Variants in BUB1B observed in about 807,000 individuals in gnomAD.
The protein encoded by BUB1B is mitotic checkpoint serine/threonine-protein kinase BUB1 beta.
A neutral mutation model predicts 137.7 loss-of-function variants in BUB1B; 86 were observed. That is an observed-to-expected ratio of 0.62 (90% CI 0.52 to 0.75). The LOEUF is 0.75. Among genes scored for constraint, BUB1B ranks in the 30% least tolerant of loss-of-function variants. The probability of loss-of-function intolerance (pLI) is 0.00; values close to 1 mark genes in which losing one functional copy is unlikely to be tolerated. For synonymous variants in BUB1B, 420 were observed against 417.9 expected (o/e 1.00, Z -0.06); for missense variants, 1,130 against 1,236.9 (o/e 0.91, Z 1.30).
In BUB1B at chr15:40,218,440, C is replaced by T. The variant is rs1173983809; in HGVS notation, c.2851-16C>T. ...CAGAGAATTATTTTAGCTGATGGTG[C>T]TTTTTGTGATTTCAGGTAGACCTGT... On this transcript the variant is annotated splice_polypyrimidine_tract_variant and intron_variant, in intron 21 of 22. Coordinates refer to ENST00000287598, the MANE Select transcript of BUB1B (RefSeq NM_001211.6). 6.3e-6 allele frequency: 10 copies of T among 1,588,742 alleles called. No individual in the cohort carries two copies. Among genetic ancestry groups the T allele is most frequent in the East Asian group, 2.2e-5 (1 of 44,740 alleles).
chr15:40,163,027 G>GC (rs1045804347), intron 1 of BUB1B, among the ~76,000 whole-genome samples: 68 of 152,184 alleles, frequency 4.5e-4, no homozygotes, highest in South Asian at 3.9e-3. Context: ...CATGTTTTCC[G>GC]CATGTCTGCA....
chr15:40,208,560 A>G, intron 15 of BUB1B, 77 bp from the exon 16 acceptor site: 1 of 1,419,158 alleles, frequency 7.0e-7, no homozygotes, highest in Non-Finnish European at 9.7e-7. Context: ...AAATGTATAC[A>G]TTAAGAATTT....
chr15:40,181,110 TAGAC>T (rs920845420), intron 5 of BUB1B, among the ~76,000 whole-genome samples: 1 of 134,380 alleles, frequency 7.4e-6, no homozygotes, highest in Admixed American at 7.4e-5. Context: ...TTTTTTTTTT[TAGAC>T]AGAGTCTAGC....
chr15:40,212,735 G>T, intron 19 of BUB1B, 87 bp downstream of exon 19: 1 of 1,263,572 alleles, frequency 7.9e-7, no homozygotes, highest in Non-Finnish European at 1.1e-6. Flanking sequence ...CAAAATTCCT[G>T]TCAATCTTCT....
intron 9 of BUB1B, among the ~76,000 whole-genome samples, chr15:40,197,407 G>C (rs1254872617): frequency 2.6e-5 from 4 of 152,186 alleles, no homozygotes; most frequent in Non-Finnish European, 5.9e-5. Context: ...AGGTAGGGCA[G>C]AATGGGCTGG....
At chr15:40,219,803 G>GT (rs1181715763) in intron 22 of BUB1B, among the ~76,000 whole-genome samples, 1 of 151,208 alleles carries the variant, frequency 6.6e-6, no homozygotes, top group Non-Finnish European at 1.5e-5. Context: ...ATATTCTTTG[G>GT]TTAAAAAAAA....
intron 5 of BUB1B, among the ~76,000 whole-genome samples, chr15:40,179,771 G>A (rs2037261886): frequency 6.6e-6 from 1 of 151,728 alleles, no homozygotes; most frequent in Admixed American, 6.6e-5. Context: ...AACTTTAAGT[G>A]GTTGCTATAA....
At chr15:40,219,198 C>T (rs1421259431) in intron 22 of BUB1B, among the ~76,000 whole-genome samples, 1 of 152,144 alleles carries the variant, frequency 6.6e-6, no homozygotes, top group Non-Finnish European at 1.5e-5. Flanking sequence ...GTGTGAGCCA[C>T]CGTGTCTGGC....
intron 6 of BUB1B, 110 bp from the exon 7 acceptor site, chr15:40,185,054 TG>T: frequency 3.8e-6 from 3 of 785,788 alleles, no homozygotes; most frequent in South Asian, 1.7e-5. Context: ...TTTTTTTTTC[TG>T]TTGTAGTGGA....
intron 18 of BUB1B, 70 bp downstream of exon 18, chr15:40,210,280 GT>G: frequency 8.8e-7 from 1 of 1,138,184 alleles, no homozygotes; most frequent in Non-Finnish European, 1.3e-6. Context: ...CTGTCCTCAT[GT>G]TACCATCAAA....
At chr15:40,190,108 C>T (rs1380867742) in intron 8 of BUB1B, among the ~76,000 whole-genome samples, 3 of 152,062 alleles carry the variant, frequency 2.0e-5, no homozygotes, top group Non-Finnish European at 4.4e-5. Flanking sequence ...AGTGGATGCC[C>T]GAAACTTGAT....
chr15:40,213,695 C>A (rs757497491), intron 20 of BUB1B, among the ~76,000 whole-genome samples: 1 of 152,120 alleles, frequency 6.6e-6, no homozygotes, highest in Non-Finnish European at 1.5e-5. Context: ...ACCACCACAC[C>A]TGGCTAATTT....
intron 2 of BUB1B, among the ~76,000 whole-genome samples, chr15:40,168,724 A>G (rs909445280): frequency 1.3e-5 from 2 of 152,160 alleles, no homozygotes; most frequent in East Asian, 3.8e-4. Flanking sequence ...TTACTTCTCC[A>G]GGGGTCTCCA....
intron 1 of BUB1B, among the ~76,000 whole-genome samples, chr15:40,163,366 C>A (rs1395312656): frequency 6.6e-6 from 1 of 152,166 alleles, no homozygotes. Flanking sequence ...TTAAGCTCAG[C>A]GGTTCAAGAC....
intron 8 of BUB1B, among the ~76,000 whole-genome samples, chr15:40,186,692 G>A (rs4924431): frequency 0.94 from 141,155 of 150,946 alleles, 66,389 homozygotes; most frequent in African/African-American, 0.97. Context: ...TGATCCGCCC[G>A]CCTTGGCCTC....
intron 20 of BUB1B, among the ~76,000 whole-genome samples, chr15:40,214,343 C>T (rs749024903): frequency 3.3e-5 from 5 of 152,158 alleles, no homozygotes; most frequent in South Asian, 2.1e-4. Context: ...ATATAGATCA[C>T]GTTCAGGCAT....
intron 14 of BUB1B, 132 bp downstream of exon 14, chr15:40,202,826 T>C: frequency 2.5e-6 from 2 of 789,524 alleles, no homozygotes; most frequent in Non-Finnish European, 4.4e-6. Context: ...GCATTACTAC[T>C]CAACAGGGAA....
chr15:40,185,025 A>T, intron 6 of BUB1B, 140 bp from the exon 7 acceptor site: 1 of 689,904 alleles, frequency 1.4e-6, no homozygotes, highest in Non-Finnish European at 2.4e-6. Context: ...TTTTTTAAAG[A>T]TTATTTTTAA....
chr15:40,180,038 G>T (rs990696553), intron 5 of BUB1B, among the ~76,000 whole-genome samples: 16 of 144,998 alleles, frequency 1.1e-4, no homozygotes, highest in South Asian at 2.2e-4. Context: ...CCTTTTTTTT[G>T]TTGTTGTTTT....
Sources: gnomAD v4.1 joint callset for allele counts (sites outside exome capture counted in the v4.1 genomes callset) on GRCh38, gnomAD v4.1.1 for gene constraint, MANE v1.5 for transcripts, NCBI Gene and HGNC (gene_info 2026-07-23, HGNC 2026-07-21) for gene names.